PELI2: variants seen among roughly 807,000 people sequenced by gnomAD.
PELI2 encodes the protein E3 ubiquitin-protein ligase pellino homolog 2.
PELI2 carries 23 observed loss-of-function variants against 42.3 expected under a neutral mutation model. That is an observed-to-expected ratio of 0.54 (90% confidence interval 0.39 to 0.77). The LOEUF is 0.77. Ranked by LOEUF, PELI2 falls within the 30% of genes least tolerant of loss-of-function variation. The pLI is 0.00. For missense variants in PELI2, 463 were observed against 553.2 expected (o/e 0.84, Z 1.64); for synonymous variants, 245 against 212.2 (o/e 1.15, Z -1.34).
chr14:56,175,364 G>T (rs567963745), intron 1 of PELI2, among the ~76,000 whole-genome samples: 1 of 152,278 alleles, frequency 6.6e-6, no homozygotes, highest in East Asian at 1.9e-4. Context: ...CATGTGCCTT[G>T]TGCTATAAGT....
At chr14:56,182,904 G>T (rs1291068516) in intron 2 of PELI2, among the ~76,000 whole-genome samples, 2 of 152,162 alleles carry the variant, frequency 1.3e-5, no homozygotes. Flanking sequence ...TGCCGAGCCT[G>T]TGTCTCATGG....
intron 1 of PELI2, among the ~76,000 whole-genome samples, chr14:56,169,961 G>A (rs932726466): frequency 5.3e-5 from 8 of 152,284 alleles, no homozygotes; most frequent in South Asian, 2.1e-4. Flanking sequence ...TTCCTTAAAC[G>A]CGGTTGGAAT....
intron 2 of PELI2, among the ~76,000 whole-genome samples, chr14:56,258,905 CAT>C (rs1220356918): frequency 9.2e-5 from 14 of 151,988 alleles, no homozygotes; most frequent in Non-Finnish European, 1.6e-4. Flanking sequence ...TAGTAAGACA[CAT>C]GACAGTTAAA....
intron 2 of PELI2, among the ~76,000 whole-genome samples, chr14:56,181,649 A>T (rs1885583829): frequency 6.6e-6 from 1 of 152,162 alleles, no homozygotes; most frequent in African/African-American, 2.4e-5. Flanking sequence ...GAACAGGGAT[A>T]TCCCTTTGCT....
Position 56,296,414 on chromosome 14 carries a change from C to T in PELI2, c.697-186C>T, listed in dbSNP as rs563432080. 2.6e-5 allele frequency among the ~76,000 whole-genome samples: 4 copies of T among 152,290 alleles called. No individual in the cohort carries two copies. In the South Asian group the frequency reaches 8.3e-4, roughly 32 times the overall value. ...TACATACGGCATATATGTATCATAT[C>T]CAGTGATCAGATGAGGAAGATGAGG... On this transcript the variant is annotated intron_variant, in intron 5 of 5. Transcript: ENST00000267460.
intron 5 of PELI2, among the ~76,000 whole-genome samples, chr14:56,292,299 T>G (rs1254902418): frequency 8.5e-5 from 13 of 152,190 alleles, no homozygotes; most frequent in African/African-American, 2.9e-4. Context: ...CAGCCTGATC[T>G]TGGGCTTATG....
intron 1 of PELI2, among the ~76,000 whole-genome samples, chr14:56,172,368 C>A (rs778471560): frequency 8.5e-5 from 13 of 152,198 alleles, no homozygotes; most frequent in Admixed American, 2.0e-4. Context: ...GTCGGCTTTT[C>A]ACACTGGCCT....
intron 1 of PELI2, among the ~76,000 whole-genome samples, chr14:56,152,181 A>G (rs963817612): frequency 1.3e-5 from 2 of 152,232 alleles, no homozygotes; most frequent in African/African-American, 4.8e-5. Context: ...TCTAGCTGCA[A>G]GGGAAACTGA....
chr14:56,211,830 G>A (rs1423892208), intron 2 of PELI2, among the ~76,000 whole-genome samples: 1 of 151,874 alleles, frequency 6.6e-6, no homozygotes. Flanking sequence ...GGTATATCTA[G>A]GCAATCCATC....
At chr14:56,161,195 A>G (rs1594597109) in intron 1 of PELI2, among the ~76,000 whole-genome samples, 1 of 152,158 alleles carries the variant, frequency 6.6e-6, no homozygotes, top group South Asian at 2.1e-4. Flanking sequence ...TAGCATCCCA[A>G]TTCAAAGCTT....
intron 2 of PELI2, among the ~76,000 whole-genome samples, chr14:56,232,039 C>A (rs878883159): frequency 6.6e-6 from 1 of 152,134 alleles, no homozygotes; most frequent in African/African-American, 2.4e-5. Flanking sequence ...GACACATACA[C>A]CCTCCCAAGA....
chr14:56,224,816 T>A (rs977328846), intron 2 of PELI2, among the ~76,000 whole-genome samples: 1 of 151,420 alleles, frequency 6.6e-6, no homozygotes, highest in African/African-American at 2.4e-5. Flanking sequence ...TGTCAACACG[T>A]GAAGTATAGT....
At chr14:56,236,240 G>A (rs1445900215) in intron 2 of PELI2, among the ~76,000 whole-genome samples, 1 of 152,198 alleles carries the variant, frequency 6.6e-6, no homozygotes, top group Non-Finnish European at 1.5e-5. Context: ...CGAGAGGTGT[G>A]TATATACTGG....
chr14:56,221,139 C>A (rs1028702335), intron 2 of PELI2, among the ~76,000 whole-genome samples: 53 of 152,224 alleles, frequency 3.5e-4, no homozygotes, highest in African/African-American at 1.3e-3. Flanking sequence ...GGCTGTAATA[C>A]CCACTTCTAA....
intron 2 of PELI2, among the ~76,000 whole-genome samples, chr14:56,276,626 C>T (rs1442979497): frequency 6.6e-6 from 1 of 152,176 alleles, no homozygotes; most frequent in African/African-American, 2.4e-5. Context: ...TTACCTGCTG[C>T]CCCGGAGCCA....
intron 2 of PELI2, among the ~76,000 whole-genome samples, chr14:56,237,911 G>A (rs1353698713): frequency 6.6e-6 from 1 of 151,468 alleles, no homozygotes; most frequent in African/African-American, 2.4e-5. Context: ...CCAACCCTGA[G>A]CTTTTTCATG....
intron 1 of PELI2, among the ~76,000 whole-genome samples, chr14:56,161,519 C>T (rs971908741): frequency 2.6e-5 from 4 of 152,104 alleles, no homozygotes; most frequent in African/African-American, 4.8e-5. Context: ...GCGATCCATC[C>T]GCCTTGGCCT....
chr14:56,230,630 C>T (rs1381243321), intron 2 of PELI2, among the ~76,000 whole-genome samples: 2 of 152,152 alleles, frequency 1.3e-5, no homozygotes, highest in African/African-American at 4.8e-5. Context: ...CAACTGGTAC[C>T]AGCCACTGCA....
intron 1 of PELI2, among the ~76,000 whole-genome samples, chr14:56,136,204 G>C (rs1301541675): frequency 6.6e-6 from 1 of 152,172 alleles, no homozygotes; most frequent in Non-Finnish European, 1.5e-5. Context: ...GGGTTCCACT[G>C]GTTCACTTAG....
Sources: gnomAD v4.1 joint callset for allele counts (sites outside exome capture counted in the v4.1 genomes callset) on GRCh38, gnomAD v4.1.1 for gene constraint, MANE v1.5 for transcripts, NCBI Gene and HGNC (gene_info 2026-07-23, HGNC 2026-07-21) for gene names.